Variants in CTNNA3 observed in about 807,000 individuals in gnomAD.
CTNNA3 encodes the protein catenin alpha 3.
A neutral mutation model predicts 95.7 loss-of-function variants in CTNNA3; 76 were observed. The ratio of observed to expected loss-of-function variants is 0.79; its 90% CI spans 0.66 to 0.96. The LOEUF (loss-of-function observed/expected upper bound fraction) is 0.96. CTNNA3 is among the 40% of genes least tolerant of loss of function. The probability of loss-of-function intolerance (pLI) is 0.00; values close to 1 mark genes in which losing one functional copy is unlikely to be tolerated. For missense variants in CTNNA3, 1,191 were observed against 1,089.8 expected, an observed-to-expected ratio of 1.09 and a Z score of -1.31; for synonymous variants, 431 against 374.4, an observed-to-expected ratio of 1.15 and a Z score of -1.74.
chr10:66,262,584 T>G (rs889694784), intron 13 of CTNNA3, among the ~76,000 whole-genome samples: 1 of 150,018 alleles, frequency 6.7e-6, no homozygotes, highest in African/African-American at 2.5e-5. Context: ...TAGAATGGTC[T>G]TTTTTTTTGC....
intron 11 of CTNNA3, among the ~76,000 whole-genome samples, chr10:66,385,367 T>A (rs1019672583): frequency 2.0e-5 from 3 of 152,084 alleles, no homozygotes; most frequent in African/African-American, 7.2e-5. Flanking sequence ...CCTCGACACA[T>A]ATAACCTCCC....
chr10:66,758,826 T>C (rs990769213), intron 9 of CTNNA3, among the ~76,000 whole-genome samples: 1 of 152,050 alleles, frequency 6.6e-6, no homozygotes, highest in African/African-American at 2.4e-5. Flanking sequence ...TCCCAGCTAC[T>C]TGGGAGACTG....
chr10:67,293,068 C>G (rs1230941443), intron 5 of CTNNA3, among the ~76,000 whole-genome samples: 1 of 152,012 alleles, frequency 6.6e-6, no homozygotes, highest in Non-Finnish European at 1.5e-5. Flanking sequence ...CAGAAGTTCT[C>G]TAAATGGAAA....
At chr10:66,766,197 A>G (rs1486076289) in intron 9 of CTNNA3, 67 bp downstream of exon 9, 5 of 1,519,012 alleles carry the variant, frequency 3.3e-6, no homozygotes, top group African/African-American at 1.4e-5. Context: ...GTACAATTCA[A>G]CCATAAATGG....
rs200854512 is a variant in CTNNA3 at position 67,620,929 on chromosome 10, A to G, written c.100-13880T>C. On this transcript the variant is annotated intron_variant, in intron 2 of 17. Coordinates refer to ENST00000433211, the MANE Select transcript of CTNNA3 (RefSeq NM_013266.4). ...TGTGTGTGTGTGTGTGTGTGTATAT[A>G]TATATATATATATATATATATACAG... 2.2e-3 allele frequency among the ~76,000 whole-genome samples: 222 copies of G among 102,586 alleles called. 1 individual carries two copies. Among genetic ancestry groups the G allele is most frequent in the South Asian group, 5.8e-3 (16 of 2,758 alleles). The allele number at this position is 102,586 out of a possible 152,430, so 67.3% of individuals were successfully genotyped here. A position where few individuals can be genotyped will look rare whatever the true frequency, so the allele number is the denominator to read the frequency against.
intron 13 of CTNNA3, among the ~76,000 whole-genome samples, chr10:66,232,605 C>G (rs560691759): frequency 1.4e-4 from 22 of 151,934 alleles, no homozygotes; most frequent in Admixed American, 1.3e-3. Context: ...CCAGAAATGA[C>G]CAAGTTAATA....
intron 17 of CTNNA3, among the ~76,000 whole-genome samples, chr10:65,925,518 C>A (rs1025967410): frequency 1.3e-5 from 2 of 152,128 alleles, no homozygotes; most frequent in Non-Finnish European, 2.9e-5. Context: ...CTTACTGCAA[C>A]TTCCACCTCC....
At chr10:67,609,108 A>AAAC (rs1554861905) in intron 2 of CTNNA3, among the ~76,000 whole-genome samples, 2 of 151,856 alleles carry the variant, frequency 1.3e-5, no homozygotes, top group Non-Finnish European at 2.9e-5. Context: ...AAAAAAAAAA[A>AAAC]AACAACCCAT....
intron 1 of CTNNA3, among the ~76,000 whole-genome samples, chr10:67,652,914 T>C (rs1397938338): frequency 2.0e-5 from 3 of 152,236 alleles, no homozygotes; most frequent in Non-Finnish European, 4.4e-5. Context: ...CTTCCCAACT[T>C]TACTTTTCCT....
At chr10:66,282,159 C>T (rs764578269) in intron 12 of CTNNA3, among the ~76,000 whole-genome samples, 1 of 151,718 alleles carries the variant, frequency 6.6e-6, no homozygotes, top group Non-Finnish European at 1.5e-5. Context: ...ACTGAGAAAC[C>T]TTCAAATCAC....
intron 7 of CTNNA3, among the ~76,000 whole-genome samples, chr10:67,165,654 G>GT (rs1361877503): frequency 6.6e-6 from 1 of 152,074 alleles, no homozygotes; most frequent in African/African-American, 2.4e-5. Context: ...AAAATTAAAA[G>GT]TTTTTTTAAA....
intron 2 of CTNNA3, among the ~76,000 whole-genome samples, chr10:67,629,899 A>C (rs1424947181): frequency 6.6e-6 from 1 of 152,162 alleles, no homozygotes; most frequent in Non-Finnish European, 1.5e-5. Context: ...CTTTCTGTGT[A>C]TCTTTCAGCT....
intron 12 of CTNNA3, among the ~76,000 whole-genome samples, chr10:66,307,396 T>G (rs1289931786): frequency 6.6e-6 from 1 of 152,202 alleles, no homozygotes; most frequent in Non-Finnish European, 1.5e-5. Flanking sequence ...TATTGAAACT[T>G]AAAAAATTAG....
At chr10:67,703,423 C>G (rs1000927880) in intron 1 of CTNNA3, among the ~76,000 whole-genome samples, 39 of 151,994 alleles carry the variant, frequency 2.6e-4, no homozygotes, top group African/African-American at 8.7e-4. Context: ...AAAGCTTATC[C>G]ACCATGATCA....
intron 12 of CTNNA3, among the ~76,000 whole-genome samples, chr10:66,356,073 A>G (rs1477254415): frequency 1.3e-5 from 2 of 149,990 alleles, no homozygotes; most frequent in African/African-American, 4.9e-5. Flanking sequence ...TTATAGTGCA[A>G]GTCTCAAAAT....
intron 14 of CTNNA3, among the ~76,000 whole-genome samples, chr10:66,084,657 T>C (rs2133661844): frequency 6.6e-6 from 1 of 152,294 alleles, no homozygotes; most frequent in African/African-American, 2.4e-5. Flanking sequence ...ACTGAATTTT[T>C]CTATTTTCTC....
At chr10:67,077,538 G>C (rs992179456) in intron 7 of CTNNA3, among the ~76,000 whole-genome samples, 1 of 152,056 alleles carries the variant, frequency 6.6e-6, no homozygotes, top group African/African-American at 2.4e-5. Flanking sequence ...ACCTTGGCTT[G>C]AAGCATGCTT....
intron 5 of CTNNA3, among the ~76,000 whole-genome samples, chr10:67,251,616 C>G (rs1395191530): frequency 6.6e-6 from 1 of 152,050 alleles, no homozygotes; most frequent in Non-Finnish European, 1.5e-5. Flanking sequence ...TTTGGCAGCT[C>G]AGAACCAATG....
intron 12 of CTNNA3, among the ~76,000 whole-genome samples, chr10:66,333,921 G>T (rs1342718642): frequency 6.6e-6 from 1 of 151,906 alleles, no homozygotes; most frequent in Non-Finnish European, 1.5e-5. Flanking sequence ...TCCTGTATGT[G>T]GTGTATATAT....
Sources: allele counts gnomAD v4.1 joint callset (sites outside exome capture counted in the v4.1 genomes callset), GRCh38; gene constraint gnomAD v4.1.1; transcripts MANE v1.5; gene names NCBI Gene and HGNC (gene_info 2026-07-23, HGNC 2026-07-21).